SVIP: variants seen among roughly 807,000 people sequenced by gnomAD.
SVIP encodes the protein small VCP/p97-interacting protein.
Under a neutral mutation model 12.9 loss-of-function variants are expected in SVIP, and 14 were observed. The ratio of observed to expected loss-of-function variants is 1.08; its 90% CI spans 0.72 to 1.70. The LOEUF (loss-of-function observed/expected upper bound fraction) is 1.70, where lower values mean the gene tolerates loss of function less well. SVIP is among the 40% of genes most tolerant of loss of function. The pLI is 0.00. For synonymous variants in SVIP, 35 were observed against 33.3 expected, an observed-to-expected ratio of 1.05 and a Z score of -0.17; for missense variants, 93 against 90.8, an observed-to-expected ratio of 1.02 and a Z score of -0.10.
Position 22,822,221 on chromosome 11 carries a change from C to G in SVIP, c.*898G>C, listed in dbSNP as rs1857512076. The G allele has an allele frequency of 6.6e-6, 1 of 151,992 alleles. No individual in the cohort carries two copies. The highest frequency in any genetic ancestry group is 2.4e-5 in the African/African-American group (1 of 41,384). The allele number at this position is 151,992 out of a possible 1,614,324, so 9.4% of individuals were successfully genotyped here. On this transcript the variant is annotated 3_prime_UTR_variant, in exon 4 of 4. Coordinates refer to ENST00000354193, the MANE Select transcript of SVIP (RefSeq NM_148893.3). ...AGTAGACCTTTTGTAAGTACAGTAC[C>G]TACATGTTTTTTTCATACATTCATA...
chr11:22,823,535 T>C (rs1018428379), intron 3 of SVIP, among the ~76,000 whole-genome samples: 3 of 152,146 alleles, frequency 2.0e-5, no homozygotes, highest in Non-Finnish European at 2.9e-5. Context: ...AGGAGTCATG[T>C]AGTACCTCCC....
rs1399383187 is a variant in SVIP, at chr11:22,820,026, C to T, written c.*3093G>A. 1.3e-5 allele frequency: 2 copies of T among 152,140 alleles called. No homozygotes were observed. Among genetic ancestry groups the T allele is most frequent in the African/African-American group, 4.8e-5 (2 of 41,418 alleles). The allele number at this position is 152,140 out of a possible 1,614,324, so 9.4% of individuals were successfully genotyped here. A position where few individuals can be genotyped will look rare whatever the true frequency, so the allele number is the denominator to read the frequency against. On this transcript the variant is annotated 3_prime_UTR_variant, in exon 4 of 4. Coordinates refer to ENST00000354193, the MANE Select transcript of SVIP (RefSeq NM_148893.3). ...TCAAAGTCTGTTATACATACAAATGCCTTGTGTCTGTAGCTTTTGAGAAAA... is the reference window on the plus strand; with the variant it reads ...TCAAAGTCTGTTATACATACAAATGTCTTGTGTCTGTAGCTTTTGAGAAAA...
intron 1 of SVIP, 92 bp downstream of exon 1, chr11:22,829,603 C>A (rs576060736): frequency 1.7e-5 from 23 of 1,342,722 alleles, no homozygotes; most frequent in Middle Eastern, 3.7e-4. Flanking sequence ...TCTCGACCTG[C>A]GCCACCAGGT....
chr11:22,823,242 A>G (rs990876907), intron 3 of SVIP, 109 bp from the exon 4 acceptor site: 18 of 767,652 alleles, frequency 2.3e-5, no homozygotes, highest in Non-Finnish European at 3.2e-5. Context: ...AGAAATACAA[A>G]ATGATTTTTC....
chr11:22,828,752 G>A (rs1672036135), intron 1 of SVIP, among the ~76,000 whole-genome samples: 1 of 152,060 alleles, frequency 6.6e-6, no homozygotes, highest in Non-Finnish European at 1.5e-5. Context: ...ACAAAGAGAA[G>A]CTGAACTTTC....
At position 22,824,817 on chromosome 11, in the gene SVIP, A is replaced by C. The variant is rs186602786; in HGVS notation, c.220-1684T>G. 1.7e-3 allele frequency among the ~76,000 whole-genome samples: 253 copies of C among 151,394 alleles called. 3 individuals are homozygous for C. In the Middle Eastern group the frequency reaches 0.017, roughly 10 times the overall value. On this transcript the variant is annotated intron_variant, in intron 3 of 3. Transcript: ENST00000354193. ...AAAACAGTCCTGATGGCTAAACCCT[A>C]CTCTCAGAGACTGACTGGTGTGAGG...
At chr11:22,823,199 GAACA>G (rs2134746398) in intron 3 of SVIP, 66 bp from the exon 4 acceptor site, 1 of 1,162,874 alleles carries the variant, frequency 8.6e-7, no homozygotes, top group Non-Finnish European at 1.2e-6. Flanking sequence ...GTACTTCAGT[GAACA>G]AACAGGTAAA....
chr11:22,823,040 GAAATT>G lies in SVIP; in HGVS notation c.*74_*78del. ...TGAATCTTCATTTACTCAAAGAGAA[GAAATT>G]AAATTGATGAAGCCCACTTGATTGC... On this transcript the variant is annotated 3_prime_UTR_variant, in exon 4 of 4. Transcript: ENST00000354193. 8.1e-7 allele frequency: 1 copy of G among 1,239,070 alleles called. No homozygotes were observed. Among genetic ancestry groups the G allele is most frequent in the Non-Finnish European group, 1.1e-6 (1 of 889,806 alleles). 76.8% of individuals were successfully genotyped at this position (1,239,070 alleles called of 1,614,324 possible). A position where few individuals can be genotyped will look rare whatever the true frequency, so the allele number is the denominator to read the frequency against.
In SVIP at chr11:22,823,081, CAGTTATT is replaced by C; in HGVS notation, c.*31_*37del. 6.5e-7 allele frequency: 1 copy of C among 1,539,782 alleles called. No homozygotes were observed. The highest frequency in any genetic ancestry group is 8.8e-7 in the Non-Finnish European group (1 of 1,135,926). On this transcript the variant is annotated 3_prime_UTR_variant, in exon 4 of 4. Transcript: ENST00000354193. ...AGCCCACTTGATTGCAGATAATAAA[CAGTTATT>C]GGCAGTAGATTCTTCTACTCATGTT...
chr11:22,823,710 C>T (rs1425863093), intron 3 of SVIP, among the ~76,000 whole-genome samples: 1 of 152,104 alleles, frequency 6.6e-6, no homozygotes, highest in African/African-American at 2.4e-5. Context: ...AAACTCACTC[C>T]ACGTTAAATG....
chr11:22,824,827 A>G (rs1857633915), intron 3 of SVIP, among the ~76,000 whole-genome samples: 1 of 152,052 alleles, frequency 6.6e-6, no homozygotes, highest in African/African-American at 2.4e-5. Context: ...ACTCTCAGAG[A>G]CTGACTGGTG....
chr11:22,827,356 C>A, intron 2 of SVIP, 36 bp from the exon 3 acceptor site: 1 of 1,537,624 alleles, frequency 6.5e-7, no homozygotes, highest in Admixed American at 2.0e-5. Context: ...AGAAAGACAA[C>A]AAAAATCTGT....
At chr11:22,829,666 C>T (rs1342332642) in intron 1 of SVIP, 29 bp downstream of exon 1, 9 of 1,566,736 alleles carry the variant, frequency 5.7e-6, no homozygotes, top group Admixed American at 1.9e-5. Context: ...AGGCGCGGCC[C>T]GGCGGACGCA....
intron 2 of SVIP, 90 bp from the exon 3 acceptor site, chr11:22,827,410 T>A: frequency 2.8e-6 from 3 of 1,089,178 alleles, no homozygotes; most frequent in Non-Finnish European, 4.1e-6. Context: ...CTTTCTAGGT[T>A]TTTCTTTGGG....
chr11:22,826,011 C>T (rs530449775), intron 3 of SVIP, among the ~76,000 whole-genome samples: 2 of 152,066 alleles, frequency 1.3e-5, no homozygotes, highest in African/African-American at 4.8e-5. Flanking sequence ...GAATTGACCT[C>T]GTTATCACCC....
intron 3 of SVIP, among the ~76,000 whole-genome samples, chr11:22,826,754 G>A (rs530069634): frequency 6.6e-6 from 1 of 152,144 alleles, no homozygotes; most frequent in Non-Finnish European, 1.5e-5. Context: ...CAGGGGCAAT[G>A]GAAAGATCAA....
chr11:22,827,765 T>C (rs1206306907), intron 2 of SVIP, 59 bp downstream of exon 2: 22 of 1,399,266 alleles, frequency 1.6e-5, no homozygotes. Context: ...TGGACATCTA[T>C]GAAGAATAAA....
Position 22,819,063 on chromosome 11 carries a change from T to C in SVIP, c.*4056A>G, listed in dbSNP as rs942087770. 3 of 152,246 alleles carry C rather than the reference T, an allele frequency of 2.0e-5. No homozygotes were observed. Among genetic ancestry groups the C allele is most frequent in the Non-Finnish European group, 4.4e-5 (3 of 68,034 alleles). 9.4% of individuals were successfully genotyped at this position (152,246 alleles called of 1,614,324 possible). A position where few individuals can be genotyped will look rare whatever the true frequency, so the allele number is the denominator to read the frequency against. Reference sequence around the variant, plus strand: ...AATTACAGATTTTTCATTGCTTGCATATAAACATAGAATTGACTTTCATAT... The same window carrying C: ...AATTACAGATTTTTCATTGCTTGCACATAAACATAGAATTGACTTTCATAT... On this transcript the variant is annotated 3_prime_UTR_variant, in exon 4 of 4. Transcript: ENST00000354193.
At chr11:22,828,921 T>C (rs1424978680) in intron 1 of SVIP, among the ~76,000 whole-genome samples, 2 of 152,212 alleles carry the variant, frequency 1.3e-5, no homozygotes, top group Non-Finnish European at 2.9e-5. Context: ...GTAAAGATAC[T>C]GTTAACAGAA....
Sources: allele counts gnomAD v4.1 joint callset (sites outside exome capture counted in the v4.1 genomes callset), GRCh38; gene constraint gnomAD v4.1.1; transcripts MANE v1.5; gene names NCBI Gene and HGNC (gene_info 2026-07-23, HGNC 2026-07-21).